The following RPTOR variants were observed in gnomAD, a reference collection of about 807,000 sequenced individuals.
The protein encoded by RPTOR is regulatory associated protein of MTOR complex 1, also known as regulatory-associated protein of mTOR.
Under a neutral mutation model 169.9 loss-of-function variants are expected in RPTOR, and 21 were observed. That is an observed-to-expected ratio of 0.12 (90% CI 0.09 to 0.18). RPTOR has a LOEUF of 0.18. Among genes scored for constraint, RPTOR ranks in the 10% least tolerant of loss-of-function variants. The pLI is 1.00. For synonymous variants in RPTOR, 732 were observed against 753.2 expected (o/e 0.97, Z 0.46); for missense variants, 1,133 against 1,855.9 (o/e 0.61, Z 7.16).
rs562121764 is a variant in RPTOR, at chr17:80,957,870, G to A, written c.3477+140G>A. On this transcript the variant is annotated intron_variant, in intron 29 of 33. Coordinates refer to ENST00000306801, the MANE Select transcript of RPTOR (RefSeq NM_020761.3). This position sits in a 1 kb window ranked among gnomAD's most constrained non-coding sequence, Gnocchi z 4.6. Reference sequence around the variant, plus strand: ...AGTCAGGGCCTGGGAGGACAGTGCCGGGACAATGCTGGGAGGAGACGTGGG... The same window carrying A: ...AGTCAGGGCCTGGGAGGACAGTGCCAGGACAATGCTGGGAGGAGACGTGGG... 8 of 740,144 alleles carry A rather than the reference G, an allele frequency of 1.1e-5. No homozygotes were observed. The highest frequency in any genetic ancestry group is 3.3e-5 in the South Asian group (2 of 60,590). 45.8% of individuals were successfully genotyped at this position (740,144 alleles called of 1,614,324 possible).
chr17:80,560,024 G>A (rs1019019430), intron 1 of RPTOR, among the ~76,000 whole-genome samples: 21 of 152,212 alleles, frequency 1.4e-4, no homozygotes, highest in Non-Finnish European at 2.9e-4. Flanking sequence ...GGGTGCATGG[G>A]GTGAAGGGGA....
Position 80,545,283 on chromosome 17 carries a change from G to T in RPTOR, c.-347G>T, listed in dbSNP as rs2084260089. On this transcript the variant is annotated 5_prime_UTR_variant, in exon 1 of 34. Transcript: ENST00000306801. ...GGTGGAGGCCGAGAGCAGGGTCATC[G>T]TGAGGCCTGAAGTCTCTTACGCTTT... 4.0e-6 allele frequency: 1 copy of T among 247,286 alleles called. No individual in the cohort carries two copies. The highest frequency in any genetic ancestry group is 7.8e-6 in the Non-Finnish European group (1 of 127,732). 15.3% of individuals were successfully genotyped at this position (247,286 alleles called of 1,614,324 possible).
chr17:80,748,206 G>A (rs7218862), intron 5 of RPTOR, among the ~76,000 whole-genome samples: 11,299 of 83,520 alleles, frequency 0.14, 355 homozygotes, highest in Non-Finnish European at 0.14. Flanking sequence ...TTTGGAGGCC[G>A]TGGCGGGAGG....
chr17:80,958,206 C>G (rs4969234), intron 29 of RPTOR, among the ~76,000 whole-genome samples: 87,246 of 137,254 alleles, frequency 0.64, 27,815 homozygotes, highest in Admixed American at 0.69. Flanking sequence ...CACCCCCCCC[C>G]CCCACCACCA....
In RPTOR at chr17:80,959,943, G is replaced by C; in HGVS notation, c.3478-135G>C. On this transcript the variant is annotated intron_variant, in intron 29 of 33. Coordinates refer to ENST00000306801, the MANE Select transcript of RPTOR (RefSeq NM_020761.3). The surrounding 1 kb of genome is among the most constrained non-coding windows in gnomAD (Gnocchi z 6.7). ...GGCCTTTGATGCTTCCCTGGATAGA[G>C]AGAAAGGCCCCTGCAGCCAGGGAGG... 4.6e-6 allele frequency: 5 copies of C among 1,076,040 alleles called. No homozygotes were observed. The highest frequency in any genetic ancestry group is 6.8e-6 in the Non-Finnish European group (5 of 740,378). The allele number at this position is 1,076,040 out of a possible 1,614,324, so 66.7% of individuals were successfully genotyped here.
chr17:80,815,371 G>C (rs1277873945), intron 7 of RPTOR, among the ~76,000 whole-genome samples: 1 of 152,262 alleles, frequency 6.6e-6, no homozygotes, highest in South Asian at 2.1e-4. Flanking sequence ...TAGCTCAGCT[G>C]TGCTACAGGG....
At chr17:80,554,637 G>A (rs2084384108) in intron 1 of RPTOR, among the ~76,000 whole-genome samples, 1 of 152,086 alleles carries the variant, frequency 6.6e-6, no homozygotes, top group East Asian at 1.9e-4. Context: ...CCAGCTACTT[G>A]GGAGGCTGAG....
At chr17:80,714,319 A>ATG (rs2066222048) in intron 4 of RPTOR, among the ~76,000 whole-genome samples, 3 of 152,228 alleles carry the variant, frequency 2.0e-5, no homozygotes, top group African/African-American at 7.2e-5. Flanking sequence ...GCCAGTATTA[A>ATG]TGTAAAAGAC....
chr17:80,780,407 C>CTTA (rs1461926697), intron 6 of RPTOR, among the ~76,000 whole-genome samples: 3 of 152,100 alleles, frequency 2.0e-5, no homozygotes, highest in Non-Finnish European at 4.4e-5. Flanking sequence ...GAAACCACCA[C>CTTA]GGTTTAAATG....
chr17:80,675,160 T>C (rs1463091544), intron 3 of RPTOR, among the ~76,000 whole-genome samples: 6 of 152,246 alleles, frequency 3.9e-5, no homozygotes, highest in Admixed American at 1.3e-4. Flanking sequence ...TGTATAGTTA[T>C]TTATTTCTGA....
intron 2 of RPTOR, among the ~76,000 whole-genome samples, chr17:80,628,359 A>C (rs748833152): frequency 5.3e-5 from 8 of 152,056 alleles, no homozygotes; most frequent in Non-Finnish European, 1.0e-4. Context: ...AAATTTTCCT[A>C]GATTTCTGTT....
intron 5 of RPTOR, among the ~76,000 whole-genome samples, chr17:80,745,795 G>A (rs775566241): frequency 4.6e-5 from 7 of 152,212 alleles, no homozygotes; most frequent in African/African-American, 9.6e-5. Flanking sequence ...TGTTAGTACC[G>A]TATCTCATTA....
At chr17:80,781,419 G>T (rs180759278) in intron 6 of RPTOR, among the ~76,000 whole-genome samples, 41 of 152,260 alleles carry the variant, frequency 2.7e-4, no homozygotes, top group Admixed American at 1.6e-3. Context: ...CTTCCCGGAG[G>T]GTACCAACGA....
intron 11 of RPTOR, among the ~76,000 whole-genome samples, chr17:80,847,075 G>A (rs1025515646): frequency 5.9e-5 from 9 of 152,266 alleles, no homozygotes; most frequent in African/African-American, 1.9e-4. Flanking sequence ...CGGGCAGAGC[G>A]GCTTTGTGGC....
At chr17:80,811,339 G>C (rs1745015872) in intron 7 of RPTOR, among the ~76,000 whole-genome samples, 1 of 152,132 alleles carries the variant, frequency 6.6e-6, no homozygotes, top group South Asian at 2.1e-4. Flanking sequence ...TCTGTGGAGG[G>C]GATCGTACAG....
chr17:80,865,487 G>A (rs1490613527), intron 13 of RPTOR, among the ~76,000 whole-genome samples: 1 of 152,148 alleles, frequency 6.6e-6, no homozygotes, highest in Non-Finnish European at 1.5e-5. Flanking sequence ...GCAGAGGAAG[G>A]CTGCAGGGCC....
At chr17:80,925,658 G>A (rs2271608) in intron 24 of RPTOR, among the ~76,000 whole-genome samples, 178 bp downstream of exon 24, 31,161 of 152,136 alleles carry the variant, frequency 0.2, 3,284 homozygotes, top group Admixed American at 0.23. Flanking sequence ...CCTTCCTGTC[G>A]CCAAACGAAA....
intron 9 of RPTOR, among the ~76,000 whole-genome samples, chr17:80,824,499 C>G (rs1346096953): frequency 6.6e-6 from 1 of 152,090 alleles, no homozygotes; most frequent in Non-Finnish European, 1.5e-5. Flanking sequence ...AGAGTATATT[C>G]TCAAAATGGC....
At chr17:80,683,827 G>A (rs184167714) in intron 3 of RPTOR, among the ~76,000 whole-genome samples, 335 of 152,216 alleles carry the variant, frequency 2.2e-3, no homozygotes, top group African/African-American at 7.6e-3. Context: ...CGACAAGGTG[G>A]AGCAGCCTCA....
Sources: allele counts gnomAD v4.1 joint callset (sites outside exome capture counted in the v4.1 genomes callset), GRCh38; gene constraint gnomAD v4.1.1; non-coding constraint Gnocchi (gnomAD v3.1); transcripts MANE v1.5; gene names NCBI Gene and HGNC (gene_info 2026-07-23, HGNC 2026-07-21).